RELN: variants seen among roughly 807,000 people sequenced by gnomAD.
The protein encoded by RELN is reelin.
RELN carries 108 observed loss-of-function variants against 427.6 expected under a neutral mutation model. The ratio of observed to expected loss-of-function variants is 0.25; its 90% CI spans 0.22 to 0.30. RELN has a LOEUF of 0.30. RELN is among the 10% of genes least tolerant of loss of function. RELN has a pLI of 1.00. For missense variants in RELN, 3,715 were observed against 4,302.8 expected (o/e 0.86, Z 3.82); for synonymous variants, 1,524 against 1,513.4 (o/e 1.01, Z -0.16).
intron 10 of RELN, among the ~76,000 whole-genome samples, chr7:103,691,302 G>C (rs1039638505): frequency 1.3e-5 from 2 of 152,040 alleles, no homozygotes; most frequent in African/African-American, 4.8e-5. Flanking sequence ...AACAAGAATA[G>C]GCTCAGATGA....
intron 57 of RELN, among the ~76,000 whole-genome samples, chr7:103,494,365 TTG>T (rs58533286): frequency 0.072 from 8,440 of 117,878 alleles, 715 homozygotes; most frequent in African/African-American, 0.26. Context: ...GTAATGACTT[TTG>T]TGTGTGTGTG....
At chr7:103,542,616 T>C in intron 43 of RELN, 115 bp downstream of exon 43, 1 of 1,041,504 alleles carries the variant, frequency 9.6e-7, no homozygotes, top group Non-Finnish European at 1.5e-6. Flanking sequence ...AGAAGTTCAG[T>C]ATTTACAATG....
chr7:103,633,474 A>AATATAT (rs140092804), intron 19 of RELN, among the ~76,000 whole-genome samples: 1 of 148,880 alleles, frequency 6.7e-6, no homozygotes, highest in Admixed American at 6.7e-5. Context: ...GACAGAGATA[A>AATATAT]ATATATATAT....
intron 2 of RELN, among the ~76,000 whole-genome samples, chr7:103,835,972 T>C (rs1040562404): frequency 1.5e-5 from 2 of 133,778 alleles, no homozygotes; most frequent in African/African-American, 2.8e-5. Context: ...TTTTTTTTTT[T>C]ATAGGCGGAG....
chr7:103,942,270 T>C (rs568982199), intron 1 of RELN, among the ~76,000 whole-genome samples: 1 of 152,290 alleles, frequency 6.6e-6, no homozygotes, highest in East Asian at 1.9e-4. Flanking sequence ...AACTGGAACT[T>C]TGTACCCATT....
intron 2 of RELN, among the ~76,000 whole-genome samples, chr7:103,841,540 T>C (rs922496189): frequency 2.0e-5 from 3 of 152,204 alleles, no homozygotes; most frequent in Non-Finnish European, 2.9e-5. Context: ...CATACATTTC[T>C]GTTCCTTCCA....
intron 12 of RELN, among the ~76,000 whole-genome samples, chr7:103,655,213 T>C (rs556492201): frequency 4.6e-5 from 7 of 152,196 alleles, no homozygotes; most frequent in African/African-American, 1.7e-4. Context: ...TAAGCCACCA[T>C]TATCCTTCAT....
chr7:103,864,034 G>T (rs1043118567), intron 2 of RELN, among the ~76,000 whole-genome samples: 1 of 152,090 alleles, frequency 6.6e-6, no homozygotes, highest in Non-Finnish European at 1.5e-5. Context: ...CAGACAAACT[G>T]AAGGAACAGC....
At chr7:103,936,745 C>CAGACAG (rs890737674) in intron 1 of RELN, among the ~76,000 whole-genome samples, 6 of 36,180 alleles carry the variant, frequency 1.7e-4, no homozygotes, top group East Asian at 3.2e-3. Context: ...GACAGACAGA[C>CAGACAG]ACACACACAC....
chr7:103,579,579 A>G (rs1272545605), intron 28 of RELN, among the ~76,000 whole-genome samples: 3 of 150,420 alleles, frequency 2.0e-5, no homozygotes, highest in Non-Finnish European at 4.4e-5. Context: ...GGTCTTGGTG[A>G]CAAAGTAAGA....
At chr7:103,605,169 C>G (rs1302087321) in intron 22 of RELN, among the ~76,000 whole-genome samples, 2 of 152,160 alleles carry the variant, frequency 1.3e-5, no homozygotes, top group African/African-American at 4.8e-5. Context: ...GATGTTTAAC[C>G]TTAGAGTAAT....
intron 60 of RELN, 132 bp from the exon 61 acceptor site, chr7:103,486,548 C>T: frequency 6.5e-6 from 4 of 615,464 alleles, no homozygotes; most frequent in South Asian, 1.8e-5. Flanking sequence ...ACTTAAACAA[C>T]TTTACAAAAA....
chr7:103,657,106 C>T (rs1833037803), intron 12 of RELN, among the ~76,000 whole-genome samples: 1 of 151,996 alleles, frequency 6.6e-6, no homozygotes, highest in Admixed American at 6.6e-5. Context: ...TAAATATTTA[C>T]TGGATTAGGT....
At chr7:103,854,929 T>G (rs897482079) in intron 2 of RELN, among the ~76,000 whole-genome samples, 3 of 152,196 alleles carry the variant, frequency 2.0e-5, no homozygotes, top group African/African-American at 7.2e-5. Context: ...ATTGTAAGTT[T>G]CATAAAAGAA....
chr7:103,746,105 T>C (rs1790819698), intron 6 of RELN, among the ~76,000 whole-genome samples: 2 of 151,994 alleles, frequency 1.3e-5, no homozygotes, highest in South Asian at 4.1e-4. Context: ...CCCTCAGAAA[T>C]AATGCTGCAT....
chr7:103,685,858 G>A (rs772927976), intron 10 of RELN, among the ~76,000 whole-genome samples: 1 of 152,056 alleles, frequency 6.6e-6, no homozygotes, highest in African/African-American at 2.4e-5. Flanking sequence ...TCATCAACAG[G>A]AAACATCAGT....
At chr7:103,798,881 G>T (rs777038565) in intron 3 of RELN, among the ~76,000 whole-genome samples, 1 of 152,100 alleles carries the variant, frequency 6.6e-6, no homozygotes, top group Non-Finnish European at 1.5e-5. Flanking sequence ...CCTTCCTCCC[G>T]CTTCTGTGTT....
At chr7:103,641,519 G>A (rs1199652819) in intron 16 of RELN, among the ~76,000 whole-genome samples, 3 of 152,152 alleles carry the variant, frequency 2.0e-5, no homozygotes, top group Admixed American at 2.0e-4. Context: ...AGCAGGCTGA[G>A]TCATTAAAGA....
At position 103,472,705 on chromosome 7, in the gene RELN, C is replaced by T; in HGVS notation, c.*107G>A. On this transcript the variant is annotated 3_prime_UTR_variant, in exon 65 of 65. Coordinates refer to ENST00000428762, the MANE Select transcript of RELN (RefSeq NM_005045.4). ...CTTGAGAAGGGCTTTCAGGTAATCA[C>T]CAAGTCCTTCACAGATATTTCCTGA... The T allele has an allele frequency of 1.1e-6, 1 of 904,460 alleles. No homozygotes were observed. Among genetic ancestry groups the T allele is most frequent in the Non-Finnish European group, 1.8e-6 (1 of 556,160 alleles). The allele number at this position is 904,460 out of a possible 1,614,324, so 56.0% of individuals were successfully genotyped here. A position where few individuals can be genotyped will look rare whatever the true frequency, so the allele number is the denominator to read the frequency against.
Sources: allele counts gnomAD v4.1 joint callset (sites outside exome capture counted in the v4.1 genomes callset), GRCh38; gene constraint gnomAD v4.1.1; transcripts MANE v1.5; gene names NCBI Gene and HGNC (gene_info 2026-07-23, HGNC 2026-07-21).